The following RYR1 variants were observed in gnomAD, a reference collection of about 807,000 sequenced individuals.
RYR1 encodes ryanodine receptor 1.
A neutral mutation model predicts 583.5 loss-of-function variants in RYR1; 342 were observed. That is an observed-to-expected ratio of 0.59 (90% CI 0.54 to 0.64). The LOEUF (loss-of-function observed/expected upper bound fraction) is 0.64, where lower values mean the gene tolerates loss of function less well. Among genes scored for constraint, RYR1 ranks in the 30% least tolerant of loss-of-function variants. The pLI, the probability that RYR1 is intolerant of heterozygous loss-of-function variation, is 0.00. For synonymous variants in RYR1, 2,791 were observed against 2,822.5 expected (o/e 0.99, Z 0.35); for missense variants, 6,032 against 6,917.2 (o/e 0.87, Z 4.54).
chr19:38,485,739 A>G lies in RYR1; in HGVS notation c.5084A>G (p.His1695Arg), dbSNP rs1232437061. The G allele has an allele frequency of 1.8e-5, 29 of 1,612,676 alleles. No individual in the cohort carries two copies. Among genetic ancestry groups the G allele is most frequent in the Non-Finnish European group, 2.2e-5 (26 of 1,179,954 alleles). The change falls in exon 34 of 106, where the codon CAC (histidine) becomes CGC (arginine). Residue 1695 changes from histidine to arginine, a missense_variant. Physicochemically the swap from His to Arg is conservative, Grantham distance 29 (BLOSUM62 0). This residue lies in a region of RYR1 where 2,627 missense variants were observed against 2,961.3 expected (regional missense o/e 0.89). Transcript: ENST00000359596. ...CSHVDQAQLL[H>R]ALEDAHLPGP... ...CACGTAGACCAAGCTCAGCTGCTGC[A>G]CGCCCTGGAGGACGCGCACCTGCCA...
At chr19:38,559,425 G>C (rs1274307597) in intron 89 of RYR1, among the ~76,000 whole-genome samples, 1 of 151,726 alleles carries the variant, frequency 6.6e-6, no homozygotes, top group Non-Finnish European at 1.5e-5. Context: ...GTAGAGACGG[G>C]GTTTCACCAT....
At chr19:38,544,719 C>A (rs1407616619) in intron 87 of RYR1, among the ~76,000 whole-genome samples, 1 of 151,816 alleles carries the variant, frequency 6.6e-6, no homozygotes. Flanking sequence ...AATGCAATTC[C>A]TCCGTGTCAC....
chr19:38,519,209 T>TG lies in RYR1; in HGVS notation c.10019-4dup. The TG allele has an allele frequency of 6.2e-7, 1 of 1,614,106 alleles. No homozygotes were observed. Among genetic ancestry groups the TG allele is most frequent in the South Asian group, 1.1e-5 (1 of 91,068 alleles). On this transcript the variant is annotated splice_region_variant and splice_polypyrimidine_tract_variant and intron_variant, in intron 66 of 105. Transcript: ENST00000359596. ...GTGGCATCAGAGCCCATCGCACCCC[T>TG]GCAGTGTTCGCACAGCCCATTGTGA...
intron 37 of RYR1, among the ~76,000 whole-genome samples, chr19:38,491,595 A>G (rs1969553611): frequency 6.6e-6 from 1 of 151,818 alleles, no homozygotes; most frequent in South Asian, 2.1e-4. Flanking sequence ...CGCCTGGCTA[A>G]TTTTTTAATT....
In RYR1 at chr19:38,497,712, A is replaced by G. The variant is rs1002072; in HGVS notation, c.6891+758A>G. On this transcript the variant is annotated intron_variant, in intron 42 of 105. Transcript: ENST00000359596. ...TGTCTGGCCAGGCAAAGTGGCTTAC[A>G]TCTATAATCCCAGCACTTTGGGAGG... 9.5e-3 allele frequency among the ~76,000 whole-genome samples: 1,442 copies of G among 152,320 alleles called. 35 individuals are homozygous for G. The highest frequency in any genetic ancestry group is 0.072 in the East Asian group (372 of 5,176).
intron 67 of RYR1, 51 bp downstream of exon 67, chr19:38,519,505 C>T (rs1157989537): frequency 1.3e-6 from 2 of 1,555,694 alleles, no homozygotes; most frequent in South Asian, 1.2e-5. Flanking sequence ...CTCCCACGTC[C>T]TCCAGCCCCA....
Position 38,440,814 on chromosome 19 carries a change from G to C in RYR1, c.115G>C (p.Glu39Gln). 2 of 1,609,558 alleles carry C rather than the reference G, an allele frequency of 1.2e-6. No individual in the cohort carries two copies. Among genetic ancestry groups the C allele is most frequent in the Non-Finnish European group, 1.7e-6 (2 of 1,178,768 alleles). ...GCAGCTCAAGCTCTGCCTGGCCGCC[G>C]AGGGCTTCGGCAACCGCCTGTGCTT... ...KEQLKLCLAA[E>Q]GFGNRLCFLE... is the part of the protein sequence containing the mutation. Residue 39 changes from glutamate (E) to glutamine (Q), a missense_variant, in exon 2 of 106, where the codon GAG (glutamate) becomes CAG (glutamine). Glu to Gln is a conservative substitution (Grantham distance 29). Transcript: ENST00000359596.
rs143923604 is a variant in RYR1, at chr19:38,577,025, A to G, written c.14173-893A>G. Among the ~76,000 whole-genome samples, 684 of 152,106 alleles carry G rather than the reference A, an allele frequency of 4.5e-3. 3 individuals are homozygous for G. Among genetic ancestry groups the G allele is most frequent in the African/African-American group, 0.014 (580 of 41,542 alleles). On this transcript the variant is annotated intron_variant, in intron 97 of 105. Coordinates refer to ENST00000359596, the MANE Select transcript of RYR1 (RefSeq NM_000540.3). ...CTCAGCCTCCCGAGTAGCTGGGATT[A>G]CAGGCACCCACCACCACGTCTGGCT... is the stretch of plus-strand genomic sequence containing the variant.
chr19:38,458,592 A>AATTTATTT (rs149336562), intron 18 of RYR1, among the ~76,000 whole-genome samples: 4 of 151,292 alleles, frequency 2.6e-5, no homozygotes, highest in South Asian at 2.1e-4. Flanking sequence ...ACCCCAGGAG[A>AATTTATTT]ATTTATTTAT....
At chr19:38,509,935 A>G (rs1970652743) in intron 58 of RYR1, among the ~76,000 whole-genome samples, 1 of 151,886 alleles carries the variant, frequency 6.6e-6, no homozygotes. Context: ...AATGAAAAGC[A>G]CTTATGGTGG....
chr19:38,568,019 G>A, intron 93 of RYR1, 102 bp downstream of exon 93: 1 of 1,386,860 alleles, frequency 7.2e-7, no homozygotes, highest in African/African-American at 1.4e-5. Context: ...ATCTGTTCAA[G>A]CTCGTCTCTA....
At chr19:38,521,367 TG>T (rs1324047437) in intron 67 of RYR1, among the ~76,000 whole-genome samples, 1 of 150,792 alleles carries the variant, frequency 6.6e-6, no homozygotes, top group Non-Finnish European at 1.5e-5. Flanking sequence ...ATTCTGACCC[TG>T]TCTCAAAAAA....
chr19:38,510,784 G>A lies in RYR1; in HGVS notation c.9122+3G>A. The stretch of plus-strand genomic sequence containing the variant: ...AAGGAGAAGGAAATGATCACCAGGT[G>A]GGCCGCCTGTGACCCTGGACCCAGC... On this transcript the variant is annotated splice_donor_region_variant and intron_variant, in intron 60 of 105. Transcript: ENST00000359596. 1 of 1,614,200 alleles carries A rather than the reference G, an allele frequency of 6.2e-7. No individual in the cohort carries two copies. Among genetic ancestry groups the A allele is most frequent in the South Asian group, 1.1e-5 (1 of 91,076 alleles).
At chr19:38,538,047 C>T (rs1019390241) in intron 84 of RYR1, 87 bp downstream of exon 84, 20 of 1,247,020 alleles carry the variant, frequency 1.6e-5, no homozygotes, top group Middle Eastern at 2.2e-4. Context: ...CGCCCCTCCT[C>T]CTCCCCCGGT....
At chr19:38,481,437 C>A (rs1352786529) in intron 31 of RYR1, among the ~76,000 whole-genome samples, 1 of 152,182 alleles carries the variant, frequency 6.6e-6, no homozygotes, top group Non-Finnish European at 1.5e-5. Context: ...TGCACCACCA[C>A]GCTCGACCAG....
At chr19:38,547,605 A>G (rs1235842706) in intron 88 of RYR1, among the ~76,000 whole-genome samples, 1 of 151,570 alleles carries the variant, frequency 6.6e-6, no homozygotes, top group Non-Finnish European at 1.5e-5. Flanking sequence ...TGAGTGCATG[A>G]CTTTCTCTAT....
At position 38,494,593 on chromosome 19, in the gene RYR1, C is replaced by G. The variant is rs781750510; in HGVS notation, c.6516C>G (p.Pro2172=). The G allele has an allele frequency of 1.5e-5, 24 of 1,614,012 alleles. No individual in the cohort carries two copies. The highest frequency in any genetic ancestry group is 2.0e-5 in the Non-Finnish European group (24 of 1,180,050). The change falls in exon 39 of 106, where the codon CCC becomes CCG. Residue 2172 remains proline, a synonymous_variant. Coordinates refer to ENST00000359596, the MANE Select transcript of RYR1 (RefSeq NM_000540.3). The part of the protein sequence containing the change: ...IRSLLIVQMG[P]QEENLMIQSI... ...CGCTGCTCATCGTGCAGATGGGCCC[C>G]CAGGAGGAGAACCTCATGATCCAGA...
chr19:38,552,730 G>A (rs1164452742), intron 89 of RYR1, among the ~76,000 whole-genome samples: 1 of 152,170 alleles, frequency 6.6e-6, no homozygotes, highest in Non-Finnish European at 1.5e-5. Context: ...TCGATAGTCA[G>A]TGAGCACTTC....
chr19:38,492,947 G>A (rs1600796287), intron 38 of RYR1, among the ~76,000 whole-genome samples: 1 of 152,122 alleles, frequency 6.6e-6, no homozygotes, highest in East Asian at 1.9e-4. Flanking sequence ...GTGCATGCCT[G>A]TAATCCCAGC....
Sources: gnomAD v4.1 joint callset for allele counts (sites outside exome capture counted in the v4.1 genomes callset) on GRCh38, gnomAD v4.1.1 for gene constraint, gnomAD v4.1.1 regional missense constraint, MANE v1.5 for transcripts, NCBI Gene and HGNC (gene_info 2026-07-23, HGNC 2026-07-21) for gene names.